The following CSRNP2 variants were observed in gnomAD, a reference collection of about 807,000 sequenced individuals.
CSRNP2 encodes cysteine and serine rich nuclear protein 2.
Under a neutral mutation model 36.6 loss-of-function variants are expected in CSRNP2, and 11 were observed. The observed-to-expected ratio is 0.30, with a 90% confidence interval of 0.19 to 0.50. The LOEUF is 0.50. CSRNP2 is among the 20% of genes least tolerant of loss of function. The pLI is 0.98. For missense variants in CSRNP2, 483 were observed against 691.4 expected, an observed-to-expected ratio of 0.70 and a Z score of 3.38; for synonymous variants, 248 against 275.3, an observed-to-expected ratio of 0.90 and a Z score of 0.98.
rs146767929 is a variant in CSRNP2 at position 51,064,054 on chromosome 12, A to T, written c.1324T>A (p.Ser442Thr). 43 of 1,614,224 alleles carry T rather than the reference A, an allele frequency of 2.7e-5. No individual in the cohort carries two copies. The highest frequency in any genetic ancestry group is 3.6e-5 in the Non-Finnish European group (43 of 1,180,032). ...TTCAGATCCTTCTCCTTTGGGAAAG[A>T]GGCTGAGCCTTCTTCCGTACCAGGC... ...GEPGTEEGSA[S>T]FPKEKDLNVF... Residue 442 changes from serine (S) to threonine (T), a missense_variant, in exon 5 of 5, where the codon TCT (serine) becomes ACT (threonine). Coordinates refer to ENST00000228515, the MANE Select transcript of CSRNP2 (RefSeq NM_030809.3).
chr12:51,061,572 T>TAATA lies in CSRNP2; in HGVS notation c.*2170_*2173dup, dbSNP rs888869689. The TAATA allele has an allele frequency of 1.3e-5, 2 of 152,632 alleles. No homozygotes were observed. Among genetic ancestry groups the TAATA allele is most frequent in the Admixed American group, 1.3e-4 (2 of 15,284 alleles). 9.5% of individuals were successfully genotyped at this position (152,632 alleles called of 1,614,324 possible). On this transcript the variant is annotated 3_prime_UTR_variant, in exon 5 of 5. Coordinates refer to ENST00000228515, the MANE Select transcript of CSRNP2 (RefSeq NM_030809.3). ...TGACAAGACAGTTAATGCTAAATGT[T>TAATA]AATATTTAGCACTTAAAAGTTTGGG...
At chr12:51,082,221 T>G (rs1437194669) in intron 1 of CSRNP2, among the ~76,000 whole-genome samples, 1 of 152,318 alleles carries the variant, frequency 6.6e-6, no homozygotes, top group East Asian at 1.9e-4. Context: ...ATCACCAGGA[T>G]CATGAACTTA....
At chr12:51,068,998 C>CG (rs1566179015) in intron 3 of CSRNP2, among the ~76,000 whole-genome samples, 2 of 151,868 alleles carry the variant, frequency 1.3e-5, no homozygotes, top group African/African-American at 4.8e-5. Context: ...TTTTTTGAGA[C>CG]GGAGTCTCGC....
rs1217679988 is a variant in CSRNP2, at chr12:51,064,372, G to C, written c.1006C>G (p.Leu336Val). Residue 336 changes from leucine to valine, a missense_variant, in exon 5 of 5, where the codon CTC becomes GTC. Physicochemically the swap from Leu to Val is conservative, Grantham distance 32. Coordinates refer to ENST00000228515, the MANE Select transcript of CSRNP2 (RefSeq NM_030809.3). ...CCGCTGGAATCTTCTTCTGCCTTGA[G>C]CCGCTCCAGTTCCTCTGCACTCTGC... Reference protein sequence around the residue: ...HLQSAEELERLKAEEDSSGSS... With the variant: ...HLQSAEELERVKAEEDSSGSS... 1.2e-6 allele frequency: 2 copies of C among 1,614,208 alleles called. No individual in the cohort carries two copies. Among genetic ancestry groups the C allele is most frequent in the Admixed American group, 3.3e-5 (2 of 60,024 alleles).
In CSRNP2 at chr12:51,064,193, G is replaced by A. The variant is rs374994476; in HGVS notation, c.1185C>T (p.Thr395=). 2.0e-4 allele frequency: 328 copies of A among 1,614,170 alleles called. 8 individuals carry two copies. In the South Asian group the frequency reaches 2.8e-3, roughly 14 times the overall value. Residue 395 remains threonine, a synonymous_variant, in exon 5 of 5, where the codon ACC becomes ACT. Transcript: ENST00000228515. ...AGGCAGTTGGGTGGTCTGAGTTCTC[G>A]GTAAAACACAGGACAGAGGAGCCTG... ...LPPGSSVLCF[T]ENSDHPTAST...
At position 51,064,635 on chromosome 12, in the gene CSRNP2, C is replaced by T. The variant is rs1471172936; in HGVS notation, c.743G>A (p.Arg248Gln). The T allele has an allele frequency of 3.3e-6, 5 of 1,532,898 alleles. No individual in the cohort carries two copies. Among genetic ancestry groups the T allele is most frequent in the East Asian group, 2.3e-5 (1 of 44,106 alleles). The allele number at this position is 1,532,898 out of a possible 1,614,324, so 95.0% of individuals were successfully genotyped here. A position where few individuals can be genotyped will look rare whatever the true frequency, so the allele number is the denominator to read the frequency against. Residue 248 changes from arginine to glutamine, a missense_variant, in exon 5 of 5, where the codon CGG (arginine) becomes CAG (glutamine). By Grantham distance (43) the Arg-to-Gln change is conservative (BLOSUM62 1). This residue lies in a region of CSRNP2 where 206 missense variants were observed against 367.8 expected (regional missense o/e 0.56). Transcript: ENST00000228515. ...TCCTGCCATGTTCCCACAGCCATCC[C>T]GGGAGCAGCCACATGGAAAGGACAT... ...DRMSFPCGCSRDGCGNMAGRI... is the reference protein window; with the variant it reads ...DRMSFPCGCSQDGCGNMAGRI...
intron 1 of CSRNP2, among the ~76,000 whole-genome samples, chr12:51,080,052 G>A (rs866085290): frequency 6.8e-5 from 8 of 118,430 alleles, no homozygotes; most frequent in Non-Finnish European, 1.2e-4. Context: ...CAGCCTGGGC[G>A]GCAGAGTAAG....
chr12:51,071,720 A>T (rs1321124155), intron 3 of CSRNP2, among the ~76,000 whole-genome samples: 3 of 152,230 alleles, frequency 2.0e-5, no homozygotes, highest in African/African-American at 4.8e-5. Flanking sequence ...AATTCCTGTA[A>T]GTGGAGAACA....
intron 1 of CSRNP2, chr12:51,082,813 C>G (rs1939693509): frequency 6.6e-6 from 1 of 152,170 alleles, no homozygotes; most frequent in Admixed American, 6.5e-5. Flanking sequence ...GTCACCAGTT[C>G]CTTTTAATGA....
At chr12:51,076,291 A>G (rs1939395872) in intron 2 of CSRNP2, 120 bp downstream of exon 2, 2 of 1,078,592 alleles carry the variant, frequency 1.9e-6, no homozygotes, top group Admixed American at 2.4e-5. Flanking sequence ...TCCTCCAAAG[A>G]GCAAGGAAAG....
chr12:51,073,417 C>G (rs1297912673), intron 3 of CSRNP2, among the ~76,000 whole-genome samples: 1 of 151,200 alleles, frequency 6.6e-6, no homozygotes, highest in African/African-American at 2.4e-5. Context: ...ATCTCTATAC[C>G]CCAAGGACAA....
chr12:51,073,868 C>G lies in CSRNP2; in HGVS notation c.366G>C (p.Leu122=). The G allele has an allele frequency of 6.2e-7, 1 of 1,614,136 alleles. No individual in the cohort carries two copies. Among genetic ancestry groups the G allele is most frequent in the Non-Finnish European group, 8.5e-7 (1 of 1,180,024 alleles). The stretch of plus-strand genomic sequence containing the variant: ...GTTTCTCTTCCTTCAGGTGCTCACG[C>G]AGAATCTCTCGATGGTTCACCTCCT... ...QEQEVNHREI[L]REHLKEEKLH... The change falls in exon 3 of 5, where the codon CTG becomes CTC. Residue 122 remains leucine, a synonymous_variant. Transcript: ENST00000228515.
chr12:51,078,447 G>A (rs1290527314), intron 1 of CSRNP2, among the ~76,000 whole-genome samples: 1 of 151,894 alleles, frequency 6.6e-6, no homozygotes, highest in Non-Finnish European at 1.5e-5. Flanking sequence ...ATTAAAAAAC[G>A]AGCCCAAAGT....
intron 3 of CSRNP2, among the ~76,000 whole-genome samples, chr12:51,070,059 T>C (rs532912427): frequency 1.3e-5 from 2 of 151,604 alleles, no homozygotes; most frequent in South Asian, 2.1e-4. Context: ...GAAGGACAGA[T>C]TGAAGACAAG....
In CSRNP2 at chr12:51,069,283, CTTTCT is replaced by C. The variant is rs1196407323; in HGVS notation, c.412-1319_412-1315del. Among the ~76,000 whole-genome samples, 118 of 136,514 alleles carry C rather than the reference CTTTCT, an allele frequency of 8.6e-4. 2 individuals are homozygous for C. The East Asian group carries it at 0.029, about 34-fold the overall frequency. The allele number at this position is 136,514 out of a possible 152,430, so 89.6% of individuals were successfully genotyped here. On this transcript the variant is annotated intron_variant, in intron 3 of 4. Transcript: ENST00000228515. ...AGCCACCGTGCCCGGCTTCCTTCTC[CTTTCT>C]TTTTTTTTTTTTTTTTTTTGAGACA... is the stretch of plus-strand genomic sequence containing the variant.
At chr12:51,077,053 A>AGG (rs1412207616) in intron 1 of CSRNP2, among the ~76,000 whole-genome samples, 1 of 151,270 alleles carries the variant, frequency 6.6e-6, no homozygotes, top group African/African-American at 2.4e-5. Flanking sequence ...GCAAAAAAAA[A>AGG]AAAAAAAGGA....
chr12:51,075,124 T>C (rs937814395), intron 2 of CSRNP2, among the ~76,000 whole-genome samples: 6 of 152,172 alleles, frequency 3.9e-5, no homozygotes, highest in Admixed American at 1.3e-4. Flanking sequence ...ATTTTCTTTT[T>C]TCCTTTGAGA....
chr12:51,072,899 G>A (rs181719800), intron 3 of CSRNP2, among the ~76,000 whole-genome samples: 9 of 152,136 alleles, frequency 5.9e-5, no homozygotes, highest in East Asian at 5.8e-4. Context: ...ACGCCTTCAC[G>A]TATTCATATT....
intron 3 of CSRNP2, among the ~76,000 whole-genome samples, chr12:51,072,562 C>CAAAAAAAAAAAAAAA (rs71089741): frequency 1.2e-4 from 8 of 66,924 alleles, no homozygotes; most frequent in Admixed American, 3.6e-4. Context: ...GGCTCCGTCT[C>CAAAAAAAAAAAAAAA]AAAAAAAAAA....
Sources: gnomAD v4.1 joint callset for allele counts (sites outside exome capture counted in the v4.1 genomes callset) on GRCh38, gnomAD v4.1.1 for gene constraint, gnomAD v4.1.1 regional missense constraint, MANE v1.5 for transcripts, NCBI Gene and HGNC (gene_info 2026-07-23, HGNC 2026-07-21) for gene names.